The following RAC2 variants were observed in gnomAD, a reference collection of about 807,000 sequenced individuals.
RAC2 encodes Rac family small GTPase 2.
RAC2 carries 1 observed loss-of-function variant against 24.0 expected under a neutral mutation model. That is an observed-to-expected ratio of 0.04 (90% confidence interval 0.01 to 0.20). The LOEUF is 0.20. Among genes scored for constraint, RAC2 ranks in the 10% least tolerant of loss-of-function variants. The pLI is 1.00. For missense variants in RAC2, 130 were observed against 259.1 expected, an observed-to-expected ratio of 0.50 and a Z score of 3.42; for synonymous variants, 114 against 106.8, an observed-to-expected ratio of 1.07 and a Z score of -0.41.
At chr22:37,229,017 C>T (rs148735594) in intron 5 of RAC2, among the ~76,000 whole-genome samples, 284 of 152,340 alleles carry the variant, frequency 1.9e-3, no homozygotes, top group African/African-American at 6.7e-3. Context: ...TCACTGGGCA[C>T]TTGGCCACTG....
At chr22:37,241,135 C>T (rs1401498616) in intron 2 of RAC2, 1 of 778,880 alleles carries the variant, frequency 1.3e-6, no homozygotes, top group Non-Finnish European at 2.4e-6. Flanking sequence ...CCTGCCTCCG[C>T]ATCCTGCAAT....
chr22:37,232,867 C>G lies in RAC2; in HGVS notation c.159G>C (p.Leu53=). 1 of 1,614,136 alleles carries G rather than the reference C, an allele frequency of 6.2e-7. No individual in the cohort carries two copies. Among genetic ancestry groups the G allele is most frequent in the Non-Finnish European group, 8.5e-7 (1 of 1,180,038 alleles). Reference sequence around the variant, plus strand: ...CCTGCCCAGCAGTGTCCCACAGCCCCAGGTTCACTGGCTTGCTGTCCACCA... The same window carrying G: ...CCTGCCCAGCAGTGTCCCACAGCCCGAGGTTCACTGGCTTGCTGTCCACCA... ...NVMVDSKPVN[L]GLWDTAGQED... Residue 53 remains leucine, a synonymous_variant, in exon 3 of 7, where the codon CTG becomes CTC. Transcript: ENST00000249071.
chr22:37,239,201 GA>G, intron 2 of RAC2, among the ~76,000 whole-genome samples: 1 of 152,308 alleles, frequency 6.6e-6, no homozygotes, highest in South Asian at 2.1e-4. Context: ...CTTTGTGCCT[GA>G]AGCCATATGA....
chr22:37,231,847 G>A lies in RAC2; in HGVS notation c.288+85C>T. On this transcript the variant is annotated intron_variant, in intron 4 of 6. Coordinates refer to ENST00000249071, the MANE Select transcript of RAC2 (RefSeq NM_002872.5). The surrounding 1 kb of genome is among the most constrained non-coding windows in gnomAD (Gnocchi z 5.5). ...TGTATGCGACCTCTGCTGCCCCAGG[G>A]ACCAGCCTAGAGTCACCAGTTCCTC... The A allele has an allele frequency of 6.8e-7, 1 of 1,463,944 alleles. No homozygotes were observed. Among genetic ancestry groups the A allele is most frequent in the South Asian group, 1.2e-5 (1 of 82,236 alleles). The allele number at this position is 1,463,944 out of a possible 1,614,324, so 90.7% of individuals were successfully genotyped here.
In RAC2 at chr22:37,238,370, G is replaced by A. The variant is rs144207985; in HGVS notation, c.107+3217C>T. On this transcript the variant is annotated intron_variant, in intron 2 of 6. Coordinates refer to ENST00000249071, the MANE Select transcript of RAC2 (RefSeq NM_002872.5). ...TCCCACCTCAGTCTCCCGAGTCGCTGGGACTACAGGCATGCACCACCATGC... is the reference window on the plus strand; with the variant it reads ...TCCCACCTCAGTCTCCCGAGTCGCTAGGACTACAGGCATGCACCACCATGC... Among the ~76,000 whole-genome samples the A allele has an allele frequency of 2.5e-3, 385 of 152,160 alleles. 4 individuals carry two copies. Among genetic ancestry groups the A allele is most frequent in the African/African-American group, 8.9e-3 (370 of 41,496 alleles).
intron 1 of RAC2, 59 bp downstream of exon 1, chr22:37,244,055 C>G (rs535815109): frequency 6.2e-7 from 1 of 1,608,416 alleles, no homozygotes; most frequent in Admixed American, 1.7e-5. Flanking sequence ...GGCACCAGGG[C>G]GGAAGGATCT....
At position 37,243,917 on chromosome 22, in the gene RAC2, G is replaced by A. The variant is rs114158133; in HGVS notation, c.35+197C>T. On this transcript the variant is annotated intron_variant, in intron 1 of 6. Transcript: ENST00000249071. ...GAGATGGCTTCTGGGGTGGGGTGGG[G>A]CTGAAGAGGGTGAAGCTCCCCTCAG... 6.4e-3 allele frequency among the ~76,000 whole-genome samples: 968 copies of A among 152,180 alleles called. 12 individuals carry two copies. The highest frequency in any genetic ancestry group is 0.022 in the African/African-American group (917 of 41,528).
intron 1 of RAC2, among the ~76,000 whole-genome samples, chr22:37,243,018 GA>G (rs1381993072): frequency 6.6e-6 from 1 of 151,876 alleles, no homozygotes; most frequent in Non-Finnish European, 1.5e-5. Flanking sequence ...GTTTTTTTAA[GA>G]GACAGCGTCT....
At chr22:37,228,657 C>T (rs56265548) in intron 5 of RAC2, among the ~76,000 whole-genome samples, 3,020 of 152,318 alleles carry the variant, frequency 0.02, 55 homozygotes, top group Admixed American at 0.033. Flanking sequence ...GGGGTGAGTT[C>T]CCATTTCACA....
Position 37,244,220 on chromosome 22 carries a change from G to A in RAC2, c.-72C>T, listed in dbSNP as rs1010741738. 5.1e-6 allele frequency: 8 copies of A among 1,566,402 alleles called. No individual in the cohort carries two copies. The highest frequency in any genetic ancestry group is 7.0e-6 in the Non-Finnish European group (8 of 1,146,390). On this transcript the variant is annotated 5_prime_UTR_variant, in exon 1 of 7. Coordinates refer to ENST00000249071, the MANE Select transcript of RAC2 (RefSeq NM_002872.5). Reference sequence around the variant, plus strand: ...GCGCGTTTCTGCGGGCGCAAGGGGTGTGGAGGCTGGTGAGGCGCCTGCTGA... The same window carrying A: ...GCGCGTTTCTGCGGGCGCAAGGGGTATGGAGGCTGGTGAGGCGCCTGCTGA...
intron 2 of RAC2, among the ~76,000 whole-genome samples, chr22:37,236,040 C>T (rs1030815571): frequency 3.3e-5 from 5 of 152,178 alleles, no homozygotes; most frequent in South Asian, 4.1e-4. Flanking sequence ...TCTTGTTGGG[C>T]GGGAACACAG....
At chr22:37,236,666 G>C (rs558018606) in intron 2 of RAC2, among the ~76,000 whole-genome samples, 57 of 152,296 alleles carry the variant, frequency 3.7e-4, no homozygotes, top group African/African-American at 1.3e-3. Flanking sequence ...GCAGGTGGAA[G>C]GGGCCCCAGC....
intron 2 of RAC2, among the ~76,000 whole-genome samples, chr22:37,239,162 G>A (rs569002402): frequency 2.2e-4 from 34 of 152,264 alleles, no homozygotes; most frequent in African/African-American, 7.7e-4. Context: ...GCAGGATCCC[G>A]CTCTGGGGTC....
intron 2 of RAC2, chr22:37,241,134 G>A (rs368410563): frequency 3.0e-4 from 230 of 778,318 alleles, no homozygotes; most frequent in Non-Finnish European, 4.7e-4. Flanking sequence ...CCCTGCCTCC[G>A]CATCCTGCAA....
intron 2 of RAC2, among the ~76,000 whole-genome samples, chr22:37,237,543 C>T (rs142768473): frequency 2.0e-5 from 3 of 152,216 alleles, no homozygotes; most frequent in East Asian, 1.9e-4. Flanking sequence ...TGGGGCCTGG[C>T]GCACACAGCT....
chr22:37,240,953 G>T (rs1927369508), intron 2 of RAC2: 1 of 705,774 alleles, frequency 1.4e-6, no homozygotes, highest in African/African-American at 1.8e-5. Flanking sequence ...GGCCAGGTGG[G>T]AGGTTGAGTG....
In RAC2 at chr22:37,231,417, G is replaced by A; in HGVS notation, c.289-27C>T. On this transcript the variant is annotated intron_variant, in intron 4 of 6. Coordinates refer to ENST00000249071, the MANE Select transcript of RAC2 (RefSeq NM_002872.5). The surrounding 1 kb of genome is among the most constrained non-coding windows in gnomAD (Gnocchi z 5.5). Reference sequence around the variant, plus strand: ...TGGGCAGGTGGGTGGGGGGACACAAGGTTGTATGGGTCAAGAGGGGGCGCG... The same window carrying A: ...TGGGCAGGTGGGTGGGGGGACACAAAGTTGTATGGGTCAAGAGGGGGCGCG... The A allele has an allele frequency of 6.2e-7, 1 of 1,612,312 alleles. No homozygotes were observed. Among genetic ancestry groups the A allele is most frequent in the East Asian group, 2.2e-5 (1 of 44,874 alleles).
intron 5 of RAC2, among the ~76,000 whole-genome samples, chr22:37,228,237 G>A (rs965599543): frequency 2.6e-5 from 4 of 152,234 alleles, no homozygotes; most frequent in Non-Finnish European, 5.9e-5. Context: ...CCTTCTGGGA[G>A]GAGTGGCATT....
chr22:37,239,943 A>G (rs1927338439), intron 2 of RAC2, among the ~76,000 whole-genome samples: 1 of 152,260 alleles, frequency 6.6e-6, no homozygotes, highest in Non-Finnish European at 1.5e-5. Flanking sequence ...CCTTGTTCCC[A>G]TTTTGTATAT....
Sources: gnomAD v4.1 joint callset for allele counts (sites outside exome capture counted in the v4.1 genomes callset) on GRCh38, gnomAD v4.1.1 for gene constraint, Gnocchi (gnomAD v3.1) non-coding constraint, MANE v1.5 for transcripts, NCBI Gene and HGNC (gene_info 2026-07-23, HGNC 2026-07-21) for gene names.